Variants in TGFB2 observed in about 807,000 individuals in gnomAD.
TGFB2 encodes transforming growth factor beta-2 proprotein.
In TGFB2, 13 loss-of-function variants were observed where a neutral mutation model predicts 42.7. The observed-to-expected ratio is 0.30, with a 90% CI of 0.20 to 0.48. TGFB2 has a LOEUF of 0.48. Among genes scored for constraint, TGFB2 ranks in the 20% least tolerant of loss-of-function variants. The probability of loss-of-function intolerance (pLI) is 0.99; values close to 1 mark genes in which losing one functional copy is unlikely to be tolerated. For synonymous variants in TGFB2, 193 were observed against 193.6 expected (o/e 1.00, Z 0.03); for missense variants, 390 against 517.5 (o/e 0.75, Z 2.39).
In TGFB2 at chr1:218,357,588, A is replaced by G. The variant is rs188317327; in HGVS notation, c.346+10541A>G. ...GAACGCTTGGATTTGTTACTGCCTG[A>G]TAAGTCAGAAATGTTTGGCTTAGAT... On this transcript the variant is annotated intron_variant, in intron 1 of 6. Transcript: ENST00000366930. 2.0e-5 allele frequency among the ~76,000 whole-genome samples: 3 copies of G among 152,342 alleles called. No individual in the cohort carries two copies. In the East Asian group the frequency reaches 5.8e-4, roughly 29 times the overall value.
chr1:218,377,096 A>G (rs747878568), intron 1 of TGFB2, among the ~76,000 whole-genome samples: 2 of 152,064 alleles, frequency 1.3e-5, no homozygotes, highest in Non-Finnish European at 2.9e-5. Flanking sequence ...ATGAGGTCTC[A>G]CTTTGTTGCC....
chr1:218,370,652 T>G (rs1008598296), intron 1 of TGFB2, among the ~76,000 whole-genome samples: 1 of 152,206 alleles, frequency 6.6e-6, no homozygotes, highest in Admixed American at 6.5e-5. Context: ...CAGTGAGTGA[T>G]AAACAGCACA....
intron 1 of TGFB2, among the ~76,000 whole-genome samples, chr1:218,387,722 G>A (rs1658184383): frequency 6.6e-6 from 1 of 152,190 alleles, no homozygotes; most frequent in Admixed American, 6.5e-5. Flanking sequence ...CAGCTCAAGT[G>A]GTTACTGTAC....
chr1:218,365,505 G>A (rs1330846825), intron 1 of TGFB2, among the ~76,000 whole-genome samples: 1 of 152,134 alleles, frequency 6.6e-6, no homozygotes, highest in African/African-American at 2.4e-5. Context: ...AAAATCAGGA[G>A]TGTCTGAGGG....
chr1:218,377,183 G>A (rs1178339397), intron 1 of TGFB2, among the ~76,000 whole-genome samples: 1 of 152,226 alleles, frequency 6.6e-6, no homozygotes, highest in Non-Finnish European at 1.5e-5. Flanking sequence ...ACTGTGCCCA[G>A]CTGAAACCAA....
chr1:218,414,540 A>T (rs1018423421), intron 2 of TGFB2, among the ~76,000 whole-genome samples: 2 of 152,206 alleles, frequency 1.3e-5, no homozygotes, highest in East Asian at 1.9e-4. Context: ...CTTTGTTTGC[A>T]CAAGGCTATT....
chr1:218,430,263 C>T (rs989094302), intron 2 of TGFB2, among the ~76,000 whole-genome samples: 6 of 151,876 alleles, frequency 4.0e-5, no homozygotes, highest in Non-Finnish European at 7.4e-5. Flanking sequence ...GCATGGGTGG[C>T]GCACACCTGT....
In TGFB2 at chr1:218,350,174, TAG is replaced by T. The variant is rs143804918; in HGVS notation, c.346+3132_346+3133del. Among the ~76,000 whole-genome samples the T allele has an allele frequency of 3.8e-3, 583 of 152,336 alleles. 1 individual carries two copies. Among genetic ancestry groups the T allele is most frequent in the African/African-American group, 0.013 (561 of 41,568 alleles). Reference sequence around the variant, plus strand: ...CAAATAATTGACATGTAAGAATCTGTAGAGAGTCCGACAATCAAAAAGAGGAA... The same window carrying T: ...CAAATAATTGACATGTAAGAATCTGTAGAGTCCGACAATCAAAAAGAGGAA... On this transcript the variant is annotated intron_variant, in intron 1 of 6. Coordinates refer to ENST00000366930, the MANE Select transcript of TGFB2 (RefSeq NM_003238.6).
chr1:218,388,117 T>C (rs1430776545), intron 1 of TGFB2, among the ~76,000 whole-genome samples: 1 of 152,224 alleles, frequency 6.6e-6, no homozygotes, highest in African/African-American at 2.4e-5. Context: ...AGTAGAGCTA[T>C]GGAGAAGGCA....
At chr1:218,356,755 G>A (rs1170859191) in intron 1 of TGFB2, among the ~76,000 whole-genome samples, 1 of 152,124 alleles carries the variant, frequency 6.6e-6, no homozygotes, top group Non-Finnish European at 1.5e-5. Context: ...AAGAAACCAG[G>A]ACATTTGGAG....
At chr1:218,373,519 A>G (rs1471674766) in intron 1 of TGFB2, among the ~76,000 whole-genome samples, 1 of 151,944 alleles carries the variant, frequency 6.6e-6, no homozygotes, top group Non-Finnish European at 1.5e-5. Context: ...ACTATCAGTT[A>G]TGGAATAGTT....
chr1:218,398,939 G>A (rs1658618994), intron 1 of TGFB2, among the ~76,000 whole-genome samples: 1 of 152,030 alleles, frequency 6.6e-6, no homozygotes, highest in African/African-American at 2.4e-5. Flanking sequence ...CTTCAGTGCA[G>A]TGACTCAGTC....
chr1:218,378,773 G>GTTTT (rs11375487), intron 1 of TGFB2, among the ~76,000 whole-genome samples: 1 of 148,972 alleles, frequency 6.7e-6, no homozygotes, highest in Non-Finnish European at 1.5e-5. Flanking sequence ...CACCCGGCCT[G>GTTTT]TTTTTTTTTT....
At chr1:218,384,865 G>T (rs1347536020) in intron 1 of TGFB2, among the ~76,000 whole-genome samples, 1 of 152,230 alleles carries the variant, frequency 6.6e-6, no homozygotes, top group African/African-American at 2.4e-5. Context: ...AAGCCCGATT[G>T]TCTCTGACAG....
chr1:218,424,752 A>G lies in TGFB2; in HGVS notation c.511-9330A>G, dbSNP rs796741251. Among the ~76,000 whole-genome samples the G allele has an allele frequency of 9.8e-5, 15 of 152,330 alleles. 1 individual carries two copies. Among genetic ancestry groups the G allele is most frequent in the African/African-American group, 3.4e-4 (14 of 41,584 alleles). ...GTTTGTGAATAAGAACAAAGGTTTT[A>G]TTTTACAAAAAAATTTCTGTGACTC... On this transcript the variant is annotated intron_variant, in intron 2 of 6. Transcript: ENST00000366930.
At chr1:218,404,051 CAAAAAA>C (rs35450089) in intron 1 of TGFB2, among the ~76,000 whole-genome samples, 1 of 99,762 alleles carries the variant, frequency 1.0e-5, no homozygotes, top group Admixed American at 1.1e-4. Flanking sequence ...TGGCAGATTA[CAAAAAA>C]AAAAAAAAAA....
intron 1 of TGFB2, among the ~76,000 whole-genome samples, chr1:218,357,951 A>G (rs567989630): frequency 6.6e-6 from 1 of 152,356 alleles, no homozygotes; most frequent in South Asian, 2.1e-4. Flanking sequence ...TTCTGAAAGA[A>G]AAAGAAAAAC....
intron 1 of TGFB2, among the ~76,000 whole-genome samples, chr1:218,389,631 G>A (rs1006855190): frequency 6.6e-6 from 1 of 152,206 alleles, no homozygotes; most frequent in Non-Finnish European, 1.5e-5. Context: ...TACTCAGATA[G>A]TATCTCATGG....
At chr1:218,380,313 G>C (rs779718335) in intron 1 of TGFB2, among the ~76,000 whole-genome samples, 4 of 152,182 alleles carry the variant, frequency 2.6e-5, no homozygotes, top group Admixed American at 2.0e-4. Context: ...TCTAGAAGTA[G>C]ATTCCACCTG....
Sources: allele counts gnomAD v4.1 joint callset (sites outside exome capture counted in the v4.1 genomes callset), GRCh38; gene constraint gnomAD v4.1.1; transcripts MANE v1.5; gene names NCBI Gene and HGNC (gene_info 2026-07-23, HGNC 2026-07-21).